The following ARAP1 variants were observed in gnomAD, a reference collection of about 807,000 sequenced individuals.
ARAP1 encodes the protein arf-GAP with Rho-GAP domain, ANK repeat and PH domain-containing protein 1.
In ARAP1, 76 loss-of-function variants were observed where a neutral mutation model predicts 172.2. The observed-to-expected ratio is 0.44, with a 90% CI of 0.37 to 0.53. ARAP1 has a LOEUF of 0.53. Among genes scored for constraint, ARAP1 ranks in the 20% least tolerant of loss-of-function variants. The probability of loss-of-function intolerance (pLI) is 0.00; values close to 1 mark genes in which losing one functional copy is unlikely to be tolerated. For missense variants in ARAP1, 1,686 were observed against 1,977.5 expected (o/e 0.85, Z 2.80); for synonymous variants, 804 against 803.3 (o/e 1.00, Z -0.01).
In ARAP1 at chr11:72,699,098, G is replaced by A. The variant is rs779347418; in HGVS notation, c.2448C>T (p.His816=). ...VPPPDTHGFE[H]TFEVYTEGER... ...CTCCCTCCGTGTACACCTCAAAGGT[G>A]TGCTCAAAGCTGCAAATACACAGGC... The change falls in exon 18 of 35, where the codon CAC becomes CAT. Residue 816 remains histidine, a synonymous_variant. Transcript: ENST00000393609. This position sits in a 1 kb window ranked among gnomAD's most constrained non-coding sequence, Gnocchi z 4.2. The A allele has an allele frequency of 2.5e-5, 41 of 1,613,972 alleles. No homozygotes were observed. The highest frequency in any genetic ancestry group is 3.3e-5 in the Non-Finnish European group (39 of 1,180,038).
Position 72,726,579 on chromosome 11 carries a change from C to G in ARAP1, c.509+41G>C. The G allele has an allele frequency of 6.8e-7, 1 of 1,460,270 alleles. No individual in the cohort carries two copies. The allele number at this position is 1,460,270 out of a possible 1,614,324, so 90.5% of individuals were successfully genotyped here. On this transcript the variant is annotated intron_variant, in intron 3 of 34. Coordinates refer to ENST00000393609, the MANE Select transcript of ARAP1 (RefSeq NM_001040118.3). The surrounding 1 kb of genome is among the most constrained non-coding windows in gnomAD (Gnocchi z 6.5). The stretch of plus-strand genomic sequence containing the variant: ...AACTCCCCATCTACCCTCTGGGATC[C>G]TCTGCCTGTGCGCCTCCCACCCTGG...
rs1253498454 is a variant in ARAP1 at position 72,692,806 on chromosome 11, G to A, written c.3955-21C>T. 8.1e-6 allele frequency: 13 copies of A among 1,613,068 alleles called. No homozygotes were observed. In the Admixed American group the frequency reaches 8.3e-5, roughly 10 times the overall value. ...TGGCTCTGTTTGATAGAGGATCAGG[G>A]TTATGGAAGAAGTCCCAGGTCTAGA... On this transcript the variant is annotated intron_variant, in intron 29 of 34. Coordinates refer to ENST00000393609, the MANE Select transcript of ARAP1 (RefSeq NM_001040118.3).
intron 1 of ARAP1, among the ~76,000 whole-genome samples, chr11:72,751,092 C>T (rs1858517201): frequency 6.6e-6 from 1 of 152,066 alleles, no homozygotes; most frequent in African/African-American, 2.4e-5. Flanking sequence ...GCTCTGGTGG[C>T]CTCTGCCCCC....
At chr11:72,696,727 G>T in intron 22 of ARAP1, 73 bp from the exon 23 acceptor site, 2 of 1,256,700 alleles carry the variant, frequency 1.6e-6, no homozygotes, top group Non-Finnish European at 1.1e-6. Flanking sequence ...GGGCTGCTGT[G>T]CCTCTCATGG....
intron 1 of ARAP1, among the ~76,000 whole-genome samples, chr11:72,732,947 C>T (rs983703930): frequency 1.3e-5 from 2 of 151,970 alleles, no homozygotes; most frequent in Non-Finnish European, 2.9e-5. Context: ...TGAGCCACTA[C>T]ACTCCAGCCT....
chr11:72,738,126 G>A (rs1858087910), intron 1 of ARAP1, among the ~76,000 whole-genome samples: 2 of 152,308 alleles, frequency 1.3e-5, no homozygotes, highest in South Asian at 4.1e-4. Flanking sequence ...AGTAGGAGGT[G>A]GCCAGGTGGA....
rs116195670 is a variant in ARAP1 at position 72,689,206 on chromosome 11, T to A, written c.3988-669A>T. Among the ~76,000 whole-genome samples, 1,131 of 152,264 alleles carry A rather than the reference T, an allele frequency of 7.4e-3. 15 individuals carry two copies. The highest frequency in any genetic ancestry group is 0.026 in the African/African-American group (1,083 of 41,546). The stretch of plus-strand genomic sequence containing the variant: ...AATGTACTGGGGAGGGACACCAGAT[T>A]GCCAAAATGTTCACCTCTGGCCCCC... On this transcript the variant is annotated intron_variant, in intron 30 of 34. Transcript: ENST00000393609.
intron 23 of ARAP1, among the ~76,000 whole-genome samples, chr11:72,696,210 G>A (rs143795487): frequency 3.8e-4 from 58 of 152,264 alleles, no homozygotes; most frequent in African/African-American, 1.2e-3. Context: ...TAAGGAGCGC[G>A]CCACCTCCCA....
intron 3 of ARAP1, among the ~76,000 whole-genome samples, chr11:72,715,312 C>T (rs375268431): frequency 3.2e-4 from 48 of 152,342 alleles, no homozygotes; most frequent in African/African-American, 1.1e-3. Context: ...CTGGCCCCAC[C>T]AGCTGTCTCT....
chr11:72,698,905 T>C, intron 18 of ARAP1, 100 bp downstream of exon 18: 1 of 1,238,664 alleles, frequency 8.1e-7, no homozygotes, highest in South Asian at 1.2e-5. Context: ...ATCTAGCTTC[T>C]GCTCTCTAGA....
In ARAP1 at chr11:72,712,241, G is replaced by A; in HGVS notation, c.977C>T (p.Thr326Ile). The A allele has an allele frequency of 6.2e-7, 1 of 1,607,858 alleles. No homozygotes were observed. The highest frequency in any genetic ancestry group is 8.5e-7 in the Non-Finnish European group (1 of 1,177,304). The change falls in exon 7 of 35, where the codon ACA becomes ATA. Residue 326 changes from threonine to isoleucine, a missense_variant. By Grantham distance (89) the Thr-to-Ile change is moderately conservative. Around this residue, in one of 5 missense-constraint regions of ARAP1, gnomAD observed 688 missense variants for 856.9 expected, o/e 0.80. Transcript: ENST00000393609. ...DGPPGGSTPV[T>I]PVIKAGWLDK... ...CAGCCAGCCAGCCTTGATGACTGGT[G>A]TGACGGGGGTGGAGCCCCCAGGCGG...
rs907443388 is a variant in ARAP1 at position 72,725,542 on chromosome 11, A to G, written c.509+1078T>C. ...TACCAATCAACCCTCAAAACACCAC[A>G]GCACTAGCTTGGTCTTCAAGGCCCC... On this transcript the variant is annotated intron_variant, in intron 3 of 34. Transcript: ENST00000393609. This position sits in a 1 kb window ranked among gnomAD's most constrained non-coding sequence, Gnocchi z 4.3. Among the ~76,000 whole-genome samples the G allele has an allele frequency of 3.9e-5, 6 of 151,996 alleles. No homozygotes were observed. Among genetic ancestry groups the G allele is most frequent in the African/African-American group, 1.5e-4 (6 of 41,372 alleles).
At chr11:72,745,355 A>ATTT (rs35656290) in intron 1 of ARAP1, among the ~76,000 whole-genome samples, 11 of 110,742 alleles carry the variant, frequency 9.9e-5, no homozygotes, top group African/African-American at 1.8e-4. Flanking sequence ...CGTCCGGCTA[A>ATTT]TTTTTTTTTT....
At chr11:72,688,704 C>G in intron 30 of ARAP1, 167 bp from the exon 31 acceptor site, 1 of 602,406 alleles carries the variant, frequency 1.7e-6, no homozygotes, top group East Asian at 2.9e-5. Context: ...TGTTCACAAT[C>G]TAGCCCAACC....
At chr11:72,712,724 G>T in intron 5 of ARAP1, 156 bp from the exon 6 acceptor site, 1 of 1,242,962 alleles carries the variant, frequency 8.0e-7, no homozygotes, top group South Asian at 1.3e-5. Context: ...TGCCAGCGGA[G>T]ACCACACAGA....
At position 72,714,179 on chromosome 11, in the gene ARAP1, T is replaced by G; in HGVS notation, c.652A>C (p.Lys218Gln). 6.6e-7 allele frequency: 1 copy of G among 1,513,042 alleles called. No homozygotes were observed. Among genetic ancestry groups the G allele is most frequent in the Non-Finnish European group, 8.8e-7 (1 of 1,136,984 alleles). 93.7% of individuals were successfully genotyped at this position (1,513,042 alleles called of 1,614,324 possible). A position where few individuals can be genotyped will look rare whatever the true frequency, so the allele number is the denominator to read the frequency against. Reference sequence around the variant, plus strand: ...AACTCTGGGAACAGGCGTACCGGCTTTGGAGGTATCTCCGGGGGGCAGGGA... The same window carrying G: ...AACTCTGGGAACAGGCGTACCGGCTGTGGAGGTATCTCCGGGGGGCAGGGA... ...PPPCPPEIPP[K>Q]PVRLFPEFDD... Residue 218 changes from lysine to glutamine, a missense_variant, in exon 4 of 35, where the codon AAG (lysine) becomes CAG (glutamine). This residue lies in a region of ARAP1 where 155 missense variants were observed against 129.2 expected (regional missense o/e 1.20). Transcript: ENST00000393609.
chr11:72,707,468 G>T (rs1591199348), intron 11 of ARAP1, 94 bp from the exon 12 acceptor site: 1 of 1,231,496 alleles, frequency 8.1e-7, no homozygotes, highest in Non-Finnish European at 1.1e-6. Flanking sequence ...GGGACAAGGT[G>T]TTGGGAGCGC....
At chr11:72,712,360 G>T (rs769397807) in intron 6 of ARAP1, 21 bp from the exon 7 acceptor site, 5 of 1,543,812 alleles carry the variant, frequency 3.2e-6, no homozygotes, top group Non-Finnish European at 2.6e-6. Flanking sequence ...ATGAGGGGAT[G>T]GGGGGCCGGG....
chr11:72,686,870 C>T (rs953807728), intron 33 of ARAP1, among the ~76,000 whole-genome samples: 1 of 152,134 alleles, frequency 6.6e-6, no homozygotes, highest in African/African-American at 2.4e-5. Context: ...CCAGTGGTTC[C>T]CCACTGACCT....
Sources: gnomAD v4.1 joint callset for allele counts (sites outside exome capture counted in the v4.1 genomes callset) on GRCh38, gnomAD v4.1.1 for gene constraint, gnomAD v4.1.1 regional missense constraint, Gnocchi (gnomAD v3.1) non-coding constraint, MANE v1.5 for transcripts, NCBI Gene and HGNC (gene_info 2026-07-23, HGNC 2026-07-21) for gene names.